Variants in LRRC4C observed in about 807,000 individuals in gnomAD.
LRRC4C encodes leucine rich repeat containing 4C, also known as leucine-rich repeat-containing protein 4C.
In LRRC4C, 5 loss-of-function variants were observed where a neutral mutation model predicts 33.6. The ratio of observed to expected loss-of-function variants is 0.15; its 90% CI spans 0.08 to 0.31. The LOEUF (loss-of-function observed/expected upper bound fraction) is 0.31. LRRC4C is among the 10% of genes least tolerant of loss of function. The pLI is 1.00. For missense variants in LRRC4C, 560 were observed against 796.7 expected (o/e 0.70, Z 3.58); for synonymous variants, 329 against 302.0 (o/e 1.09, Z -0.93).
intron 3 of LRRC4C, among the ~76,000 whole-genome samples, chr11:40,500,485 T>G (rs1954706671): frequency 6.6e-6 from 1 of 151,834 alleles, no homozygotes; most frequent in Non-Finnish European, 1.5e-5. Flanking sequence ...AGTTTAATGG[T>G]GTCACAGTTC....
At chr11:41,052,519 G>A (rs898098752) in intron 1 of LRRC4C, among the ~76,000 whole-genome samples, 18 of 151,408 alleles carry the variant, frequency 1.2e-4, no homozygotes, top group East Asian at 9.7e-4. Flanking sequence ...GTTCACTTTC[G>A]TATTTAAAAG....
Position 41,269,499 on chromosome 11 carries a change from CTAAT to C in LRRC4C, c.-496+189928_-496+189931del, listed in dbSNP as rs577632852. On this transcript the variant is annotated intron_variant, in intron 1 of 6. Coordinates refer to ENST00000528697, the MANE Select transcript of LRRC4C (RefSeq NM_001258419.2). ...ACTGGAAAGAGAGCAAAGAGCCAAT[CTAAT>C]TAGTGTTTAATGACTGAGCTCAAGT... Among the ~76,000 whole-genome samples, 6 of 152,078 alleles carry C rather than the reference CTAAT, an allele frequency of 3.9e-5. 1 individual carries two copies. In the South Asian group the frequency reaches 1.3e-3, roughly 32 times the overall value.
chr11:40,132,435 G>C (rs1287805252), intron 6 of LRRC4C, among the ~76,000 whole-genome samples: 1 of 152,178 alleles, frequency 6.6e-6, no homozygotes, highest in Non-Finnish European at 1.5e-5. Flanking sequence ...TAAGGAATTT[G>C]TGGCAATGTA....
At chr11:40,507,274 G>A (rs1466628624) in intron 3 of LRRC4C, among the ~76,000 whole-genome samples, 1 of 152,006 alleles carries the variant, frequency 6.6e-6, no homozygotes, top group African/African-American at 2.4e-5. Flanking sequence ...TATATACAAG[G>A]AAAGACTGCA....
chr11:41,007,193 A>T (rs117531574), intron 1 of LRRC4C, among the ~76,000 whole-genome samples: 552 of 152,100 alleles, frequency 3.6e-3, no homozygotes, highest in Admixed American at 7.5e-3. Context: ...ATTACGTTCC[A>T]TCGAGAGAGA....
chr11:41,159,904 A>T (rs1178190690), intron 1 of LRRC4C, among the ~76,000 whole-genome samples: 1 of 152,160 alleles, frequency 6.6e-6, no homozygotes, highest in Non-Finnish European at 1.5e-5. Flanking sequence ...GTGGAATATT[A>T]TAGAGTCATT....
chr11:40,589,929 C>G (rs1395539838), intron 3 of LRRC4C, among the ~76,000 whole-genome samples: 1 of 150,796 alleles, frequency 6.6e-6, no homozygotes, highest in Non-Finnish European at 1.5e-5. Context: ...TTCATTTCAA[C>G]TTTGGTGAAT....
chr11:41,119,160 T>C (rs564174082), intron 1 of LRRC4C, among the ~76,000 whole-genome samples: 1 of 152,290 alleles, frequency 6.6e-6, no homozygotes, highest in South Asian at 2.1e-4. Flanking sequence ...TGTTCATATA[T>C]CTCTTCAGCT....
chr11:40,292,549 T>C (rs1340671032), intron 4 of LRRC4C: 1 of 151,620 alleles, frequency 6.6e-6, no homozygotes, highest in Non-Finnish European at 1.5e-5. Flanking sequence ...AAACTTTTCA[T>C]TCCAAAAATA....
chr11:40,127,815 C>A (rs1856365881), intron 6 of LRRC4C, among the ~76,000 whole-genome samples: 1 of 152,076 alleles, frequency 6.6e-6, no homozygotes, highest in African/African-American at 2.4e-5. Flanking sequence ...TGCATATGGT[C>A]ACGTTAGAAA....
Position 40,630,432 on chromosome 11 carries a change from T to C in LRRC4C, c.-270+17710A>G, listed in dbSNP as rs893038744. Among the ~76,000 whole-genome samples, 4 of 150,784 alleles carry C rather than the reference T, an allele frequency of 2.7e-5. No homozygotes were observed. In the East Asian group the frequency reaches 7.8e-4, roughly 29 times the overall value. ...TTCCTCTTCTTCTTCTTTTTTTTTT[T>C]TGATAGTCAGTTTACCACTACTACC... On this transcript the variant is annotated intron_variant, in intron 3 of 6. Transcript: ENST00000528697.
chr11:40,811,581 T>G (rs1468171029), intron 2 of LRRC4C, among the ~76,000 whole-genome samples: 2 of 152,150 alleles, frequency 1.3e-5, no homozygotes, highest in African/African-American at 2.4e-5. Flanking sequence ...CACTGCAACC[T>G]CTGCCTCCTG....
intron 1 of LRRC4C, among the ~76,000 whole-genome samples, chr11:40,936,871 T>C (rs1310516801): frequency 2.6e-5 from 4 of 152,098 alleles, no homozygotes; most frequent in African/African-American, 7.2e-5. Context: ...AAGTTCTAAT[T>C]TGAAATTAGA....
chr11:40,230,013 T>C (rs555406380), intron 5 of LRRC4C, among the ~76,000 whole-genome samples: 2 of 152,304 alleles, frequency 1.3e-5, no homozygotes, highest in South Asian at 2.1e-4. Flanking sequence ...TCCGTGAACA[T>C]AAACTGCAGT....
At chr11:41,283,975 G>C (rs564601929) in intron 1 of LRRC4C, among the ~76,000 whole-genome samples, 3 of 152,116 alleles carry the variant, frequency 2.0e-5, no homozygotes, top group Non-Finnish European at 4.4e-5. Context: ...GCACTGCTCT[G>C]TATGGAGTAA....
chr11:40,677,818 T>C (rs1944479460), intron 2 of LRRC4C, among the ~76,000 whole-genome samples: 1 of 152,176 alleles, frequency 6.6e-6, no homozygotes, highest in South Asian at 2.1e-4. Context: ...TACAAGGACA[T>C]CTCTTAAAGA....
intron 2 of LRRC4C, among the ~76,000 whole-genome samples, chr11:40,776,648 A>G (rs908829376): frequency 1.3e-5 from 2 of 151,964 alleles, no homozygotes; most frequent in East Asian, 3.9e-4. Context: ...CTAGTCATCT[A>G]TCAATCTTGT....
intron 1 of LRRC4C, among the ~76,000 whole-genome samples, chr11:41,355,172 G>A (rs1952116683): frequency 6.6e-6 from 1 of 151,970 alleles, no homozygotes; most frequent in Non-Finnish European, 1.5e-5. Flanking sequence ...TACATGAACA[G>A]ACATTTCTCA....
At chr11:40,860,272 G>T (rs1468850311) in intron 2 of LRRC4C, among the ~76,000 whole-genome samples, 4 of 152,048 alleles carry the variant, frequency 2.6e-5, no homozygotes, top group Admixed American at 2.6e-4. Flanking sequence ...GGTAGGGGTA[G>T]AGGGAATATA....
Sources: gnomAD v4.1 joint callset for allele counts (sites outside exome capture counted in the v4.1 genomes callset) on GRCh38, gnomAD v4.1.1 for gene constraint, MANE v1.5 for transcripts, NCBI Gene and HGNC (gene_info 2026-07-23, HGNC 2026-07-21) for gene names.